Variants in SGCD observed in about 807,000 individuals in gnomAD.
SGCD encodes delta-sarcoglycan.
A neutral mutation model predicts 36.6 loss-of-function variants in SGCD; 18 were observed. The observed-to-expected ratio is 0.49, with a 90% CI of 0.34 to 0.73. The LOEUF is 0.73. Among genes scored for constraint, SGCD ranks in the 30% least tolerant of loss-of-function variants. The pLI, the probability that SGCD is intolerant of heterozygous loss-of-function variation, is 0.01. For synonymous variants in SGCD, 133 were observed against 130.6 expected, an observed-to-expected ratio of 1.02 and a Z score of -0.12; for missense variants, 387 against 346.7, an observed-to-expected ratio of 1.12 and a Z score of -0.92.
intron 3 of SGCD, among the ~76,000 whole-genome samples, chr5:156,345,410 T>C (rs181273524): frequency 4.8e-4 from 73 of 152,346 alleles, no homozygotes; most frequent in African/African-American, 1.6e-3. Context: ...AATTCTGATC[T>C]ATACTAGTAA....
intron 1 of SGCD, among the ~76,000 whole-genome samples, chr5:156,041,048 A>G (rs1382369230): frequency 6.6e-6 from 1 of 152,210 alleles, no homozygotes; most frequent in Non-Finnish European, 1.5e-5. Flanking sequence ...TCTGAAGTAG[A>G]TTTGAAATAG....
chr5:156,759,398 T>G lies in SGCD; in HGVS notation c.*8T>G. On this transcript the variant is annotated 3_prime_UTR_variant, in exon 9 of 9. Transcript: ENST00000337851. ...ACAAGTGTCTGCCTCTGAAAGACTA[T>G]CCATAGTGGACATTGTTGGCAGCAT... 1 of 1,589,016 alleles carries G rather than the reference T, an allele frequency of 6.3e-7. No homozygotes were observed. Among genetic ancestry groups the G allele is most frequent in the East Asian group, 2.2e-5 (1 of 44,468 alleles).
chr5:156,077,096 C>T lies in SGCD; in HGVS notation c.-281-40782C>T, dbSNP rs541768577. On this transcript the variant is annotated intron_variant, in intron 1 of 9. Transcript: ENST00000517913. The stretch of plus-strand genomic sequence containing the variant: ...CCTCCCTCATTTCTTTTACGTTTTT[C>T]TGGATCGTCACGTGACTGAAACCAA... Among the ~76,000 whole-genome samples, 7 of 152,246 alleles carry T rather than the reference C, an allele frequency of 4.6e-5. No individual in the cohort carries two copies. The South Asian group carries it at 1.2e-3, about 27-fold the overall frequency.
chr5:156,032,093 C>T (rs1016793565), intron 1 of SGCD, among the ~76,000 whole-genome samples: 5 of 151,562 alleles, frequency 3.3e-5, no homozygotes, highest in Admixed American at 6.6e-5. Context: ...CATATGAACA[C>T]GTGTATAGAT....
intron 7 of SGCD, among the ~76,000 whole-genome samples, chr5:156,653,493 C>CTTTTTTTTTTTTTTTTT (rs111458843): frequency 0.13 from 6,096 of 47,642 alleles, 2,414 homozygotes; most frequent in Non-Finnish European, 0.18. Context: ...CTAAAGCTTG[C>CTTTTTTTTTTTTTTTTT]TTTTTTTTTT....
At chr5:156,560,140 G>GT (rs1337761423) in intron 4 of SGCD, among the ~76,000 whole-genome samples, 1 of 152,070 alleles carries the variant, frequency 6.6e-6, no homozygotes, top group Non-Finnish European at 1.5e-5. Context: ...CATCACCTTT[G>GT]TTTTTTCTCA....
chr5:156,684,339 C>T (rs1157077556), intron 7 of SGCD, among the ~76,000 whole-genome samples: 1 of 152,050 alleles, frequency 6.6e-6, no homozygotes, highest in African/African-American at 2.4e-5. Context: ...ATGAGCTCCT[C>T]CCAGGAGGTC....
At chr5:156,073,653 A>G (rs1454004362) in intron 1 of SGCD, among the ~76,000 whole-genome samples, 1 of 152,222 alleles carries the variant, frequency 6.6e-6, no homozygotes, top group Non-Finnish European at 1.5e-5. Flanking sequence ...TTAGAAGTCC[A>G]GTTCTTGATG....
rs73812248 is a variant in SGCD at position 156,438,711 on chromosome 5, A to G, written c.193-69890A>G. ...CCATTCTTCACAGGGAAACTTAACCAAATGGTGTCCCATTTTCAACATTTT... is the reference window on the plus strand; with the variant it reads ...CCATTCTTCACAGGGAAACTTAACCGAATGGTGTCCCATTTTCAACATTTT... On this transcript the variant is annotated intron_variant, in intron 3 of 8. Coordinates refer to ENST00000337851, the MANE Select transcript of SGCD (RefSeq NM_000337.6). Among the ~76,000 whole-genome samples, 1,409 of 152,228 alleles carry G rather than the reference A, an allele frequency of 9.3e-3. 29 individuals carry two copies. Among genetic ancestry groups the G allele is most frequent in the African/African-American group, 0.032 (1,334 of 41,546 alleles).
At chr5:156,136,646 C>T (rs986344708) in intron 3 of SGCD, among the ~76,000 whole-genome samples, 4 of 151,982 alleles carry the variant, frequency 2.6e-5, no homozygotes, top group Admixed American at 6.6e-5. Flanking sequence ...TAAAGACAGA[C>T]GAAGATTCCA....
intron 3 of SGCD, among the ~76,000 whole-genome samples, chr5:156,244,157 T>G (rs1360632740): frequency 6.6e-6 from 1 of 152,128 alleles, no homozygotes; most frequent in Admixed American, 6.5e-5. Flanking sequence ...CTGTAAAAGA[T>G]GCAACCCTGT....
chr5:155,943,666 G>T lies in SGCD; in HGVS notation c.-282+73242G>T, dbSNP rs113927468. Reference sequence around the variant, plus strand: ...TCACAGGTGTAATAATCCCCTTAATGTCAGTAACAAATAGTCATCCAGTTC... The same window carrying T: ...TCACAGGTGTAATAATCCCCTTAATTTCAGTAACAAATAGTCATCCAGTTC... On this transcript the variant is annotated intron_variant, in intron 1 of 9. Coordinates refer to the SGCD transcript ENST00000517913. 4.4e-3 allele frequency among the ~76,000 whole-genome samples: 666 copies of T among 152,246 alleles called. 1 individual carries two copies. The highest frequency in any genetic ancestry group is 8.9e-3 in the African/African-American group (368 of 41,544).
intron 3 of SGCD, among the ~76,000 whole-genome samples, chr5:156,208,436 T>A (rs1764348086): frequency 6.6e-6 from 1 of 152,212 alleles, no homozygotes; most frequent in Non-Finnish European, 1.5e-5. Flanking sequence ...ACTAGCATTC[T>A]GACTCTGGTT....
intron 1 of SGCD, among the ~76,000 whole-genome samples, chr5:156,048,096 G>C (rs915671149): frequency 6.6e-6 from 1 of 152,086 alleles, no homozygotes. Flanking sequence ...CCTTGCAATT[G>C]TTTGCTGAGA....
intron 3 of SGCD, among the ~76,000 whole-genome samples, chr5:156,408,970 C>T (rs1367119576): frequency 2.6e-5 from 4 of 152,088 alleles, no homozygotes; most frequent in African/African-American, 9.7e-5. Context: ...GTGTTTTCTC[C>T]CTAGTGAATG....
chr5:155,793,781 T>G, the SGCD span, among the ~76,000 whole-genome samples: 1 of 151,972 alleles, frequency 6.6e-6, no homozygotes, highest in Non-Finnish European at 1.5e-5. Context: ...ACTCCTGACC[T>G]CAGGCAATCC....
At chr5:156,407,689 A>G (rs1415139035) in intron 3 of SGCD, among the ~76,000 whole-genome samples, 1 of 152,222 alleles carries the variant, frequency 6.6e-6, no homozygotes, top group Non-Finnish European at 1.5e-5. Flanking sequence ...TTGAAAGGAA[A>G]AGGAGATTTT....
At chr5:156,190,726 G>T (rs1036548390) in intron 3 of SGCD, among the ~76,000 whole-genome samples, 1 of 152,034 alleles carries the variant, frequency 6.6e-6, no homozygotes, top group Admixed American at 6.6e-5. Flanking sequence ...CTTTTAATAG[G>T]AATAAAGCCA....
At chr5:156,127,528 G>C (rs1318086665) in intron 3 of SGCD, among the ~76,000 whole-genome samples, 2 of 152,104 alleles carry the variant, frequency 1.3e-5, no homozygotes, top group Non-Finnish European at 2.9e-5. Flanking sequence ...AAGGTGAAGA[G>C]ATTGCTTGCG....
Sources: gnomAD v4.1 joint callset for allele counts (sites outside exome capture counted in the v4.1 genomes callset) on GRCh38, gnomAD v4.1.1 for gene constraint, MANE v1.5 for transcripts, NCBI Gene and HGNC (gene_info 2026-07-23, HGNC 2026-07-21) for gene names.